ITIH5: variants seen among roughly 807,000 people sequenced by gnomAD.
ITIH5 encodes the protein inter-alpha-trypsin inhibitor heavy chain 5, also known as inter-alpha-trypsin inhibitor heavy chain H5.
In ITIH5, 65 loss-of-function variants were observed where a neutral mutation model predicts 77.5. The ratio of observed to expected loss-of-function variants is 0.84; its 90% CI spans 0.69 to 1.03. ITIH5 has a LOEUF of 1.03. ITIH5 is among the 50% of genes least tolerant of loss of function. The pLI is 0.00. For missense variants in ITIH5, 1,208 were observed against 1,213.1 expected (o/e 1.00, Z 0.06); for synonymous variants, 525 against 494.3 (o/e 1.06, Z -0.82).
At chr10:7,582,568 T>C (rs1322571925) in intron 8 of ITIH5, among the ~76,000 whole-genome samples, 1 of 152,160 alleles carries the variant, frequency 6.6e-6, no homozygotes, top group African/African-American at 2.4e-5. Context: ...ATCACCACCA[T>C]CCATCATCCT....
At chr10:7,649,733 A>G (rs574247491) in intron 2 of ITIH5, among the ~76,000 whole-genome samples, 1 of 152,362 alleles carries the variant, frequency 6.6e-6, no homozygotes, top group South Asian at 2.1e-4. Flanking sequence ...GCACATTCCC[A>G]GATCAATGAC....
intron 7 of ITIH5, among the ~76,000 whole-genome samples, chr10:7,606,840 A>G (rs1297893621): frequency 2.0e-5 from 3 of 152,186 alleles, no homozygotes; most frequent in East Asian, 1.9e-4. Flanking sequence ...AAATTTTTCA[A>G]TGGGTGCCTC....
intron 7 of ITIH5, among the ~76,000 whole-genome samples, chr10:7,596,385 C>A (rs566199610): frequency 6.6e-6 from 1 of 152,188 alleles, no homozygotes; most frequent in Non-Finnish European, 1.5e-5. Context: ...AGGGAGCCCA[C>A]GGAAGAGCCA....
At chr10:7,602,735 A>C (rs913055186) in intron 7 of ITIH5, among the ~76,000 whole-genome samples, 1 of 152,106 alleles carries the variant, frequency 6.6e-6, no homozygotes, top group African/African-American at 2.4e-5. Context: ...TTCTCTCTCA[A>C]ATCAGCTTCT....
intron 11 of ITIH5, among the ~76,000 whole-genome samples, chr10:7,572,606 T>TA (rs1173549956): frequency 1.3e-5 from 2 of 152,020 alleles, no homozygotes; most frequent in Non-Finnish European, 2.9e-5. Context: ...TGCAGCCTCA[T>TA]CGGGTTTCCT....
At chr10:7,577,567 T>C (rs1032244821) in intron 9 of ITIH5, among the ~76,000 whole-genome samples, 3 of 152,264 alleles carry the variant, frequency 2.0e-5, no homozygotes. Flanking sequence ...CCAGATGTGC[T>C]TTAAGCAGCG....
At position 7,623,846 on chromosome 10, in the gene ITIH5, A is replaced by C. The variant is rs548797847; in HGVS notation, c.653-6564T>G. On this transcript the variant is annotated intron_variant, in intron 5 of 13. Transcript: ENST00000397146. ...AAAATACCTTCATAAGTCTCTTACT[A>C]TCCACAGTTTTCCTTTGGGAAAGGA... is the stretch of plus-strand genomic sequence containing the variant. Among the ~76,000 whole-genome samples, 247 of 151,434 alleles carry C rather than the reference A, an allele frequency of 1.6e-3. 3 individuals carry two copies. The highest frequency in any genetic ancestry group is 5.3e-3 in the African/African-American group (219 of 41,272).
chr10:7,642,460 T>C (rs531936469), intron 2 of ITIH5, among the ~76,000 whole-genome samples: 6 of 152,332 alleles, frequency 3.9e-5, no homozygotes, highest in East Asian at 1.9e-4. Context: ...TTATCACTTT[T>C]ATATCACATT....
chr10:7,606,791 T>G (rs1347006078), intron 7 of ITIH5, among the ~76,000 whole-genome samples: 1 of 152,200 alleles, frequency 6.6e-6, no homozygotes, highest in Non-Finnish European at 1.5e-5. Context: ...TAAGATATAC[T>G]TCATCCGGGT....
chr10:7,589,039 C>T (rs1241642628), intron 7 of ITIH5, among the ~76,000 whole-genome samples: 2 of 152,268 alleles, frequency 1.3e-5, no homozygotes, highest in Admixed American at 6.5e-5. Flanking sequence ...ACCCTTTTAA[C>T]GTGCAGCAAA....
chr10:7,650,206 G>C (rs746810624), intron 2 of ITIH5, among the ~76,000 whole-genome samples: 8 of 152,180 alleles, frequency 5.3e-5, no homozygotes, highest in Non-Finnish European at 1.2e-4. Flanking sequence ...TGGTTGGGAC[G>C]GCCTTTGCCA....
chr10:7,588,192 T>C (rs999522824), intron 7 of ITIH5, among the ~76,000 whole-genome samples: 3 of 152,230 alleles, frequency 2.0e-5, no homozygotes, highest in African/African-American at 7.2e-5. Flanking sequence ...GAGACCAGCC[T>C]GGCCAACATG....
At chr10:7,613,658 CA>C (rs1833302957) in intron 7 of ITIH5, among the ~76,000 whole-genome samples, 1 of 151,898 alleles carries the variant, frequency 6.6e-6, no homozygotes, top group Non-Finnish European at 1.5e-5. Context: ...TAGCAGAAAG[CA>C]AACAAAACAG....
intron 1 of ITIH5, among the ~76,000 whole-genome samples, chr10:7,659,428 T>C (rs1043724990): frequency 6.6e-6 from 1 of 151,654 alleles, no homozygotes; most frequent in African/African-American, 2.4e-5. Flanking sequence ...TAAAATAAAA[T>C]GAGGTGAGAT....
intron 7 of ITIH5, among the ~76,000 whole-genome samples, chr10:7,601,799 C>G (rs1252178093): frequency 6.6e-6 from 1 of 152,172 alleles, no homozygotes; most frequent in Non-Finnish European, 1.5e-5. Context: ...AATTGTTGAT[C>G]ACATGCATAT....
intron 2 of ITIH5, among the ~76,000 whole-genome samples, chr10:7,650,446 C>T (rs1834079204): frequency 2.6e-5 from 4 of 152,096 alleles, no homozygotes; most frequent in Admixed American, 2.6e-4. Flanking sequence ...CTGAGAAAAA[C>T]AATACAGGGC....
At position 7,559,994 on chromosome 10, in the gene ITIH5, G is replaced by A. The variant is rs1035404707; in HGVS notation, c.*3089C>T. The A allele has an allele frequency of 8.0e-6, 3 of 376,078 alleles. No individual in the cohort carries two copies. Among genetic ancestry groups the A allele is most frequent in the Non-Finnish European group, 1.6e-5 (3 of 193,520 alleles). 23.3% of individuals were successfully genotyped at this position (376,078 alleles called of 1,614,324 possible). ...AGCCTCCCAAGTAGCTGGAACTACA[G>A]GCACGCACCACCACGCCCAGCTAAT... On this transcript the variant is annotated 3_prime_UTR_variant, in exon 14 of 14. Coordinates refer to ENST00000397146, the MANE Select transcript of ITIH5 (RefSeq NM_030569.7).
rs11255227 is a variant in ITIH5 at position 7,600,498 on chromosome 10, G to A, written c.940-14429C>T. ...TGCCCAGCCCACCAGAAATGAGCCC[G>A]GTCTCTCCTCCTGGATATTTGTCTT... On this transcript the variant is annotated intron_variant, in intron 7 of 13. Coordinates refer to ENST00000397146, the MANE Select transcript of ITIH5 (RefSeq NM_030569.7). 1.2e-3 allele frequency: 568 copies of A among 456,472 alleles called. 3 individuals carry two copies. Among genetic ancestry groups the A allele is most frequent in the African/African-American group, 7.6e-3 (380 of 50,152 alleles). The allele number at this position is 456,472 out of a possible 1,614,324, so 28.3% of individuals were successfully genotyped here. A position where few individuals can be genotyped will look rare whatever the true frequency, so the allele number is the denominator to read the frequency against.
chr10:7,602,262 A>C (rs1833031181), intron 7 of ITIH5, among the ~76,000 whole-genome samples: 1 of 152,014 alleles, frequency 6.6e-6, no homozygotes, highest in Admixed American at 6.6e-5. Context: ...CCAAGTCCAT[A>C]CCTCCAGGCT....
Sources: gnomAD v4.1 joint callset for allele counts (sites outside exome capture counted in the v4.1 genomes callset) on GRCh38, gnomAD v4.1.1 for gene constraint, MANE v1.5 for transcripts, NCBI Gene and HGNC (gene_info 2026-07-23, HGNC 2026-07-21) for gene names.